FAS: variants seen among roughly 807,000 people sequenced by gnomAD.
The protein encoded by FAS is tumor necrosis factor receptor superfamily member 6.
FAS carries 5 observed loss-of-function variants against 33.2 expected under a neutral mutation model. The ratio of observed to expected loss-of-function variants is 0.15; its 90% CI spans 0.08 to 0.32. The LOEUF (loss-of-function observed/expected upper bound fraction) is 0.32, where lower values mean the gene tolerates loss of function less well. FAS is among the 10% of genes least tolerant of loss of function. The pLI is 1.00. For missense variants in FAS, 339 were observed against 386.0 expected (o/e 0.88, Z 1.02); for synonymous variants, 131 against 130.7 (o/e 1.00, Z -0.01).
In FAS at chr10:88,990,981, G is replaced by C; in HGVS notation, c.30+75G>C. The C allele has an allele frequency of 1.2e-6, 2 of 1,605,668 alleles. No individual in the cohort carries two copies. Among genetic ancestry groups the C allele is most frequent in the Non-Finnish European group, 1.7e-6 (2 of 1,173,098 alleles). On this transcript the variant is annotated intron_variant, in intron 1 of 8. Coordinates refer to ENST00000652046, the MANE Select transcript of FAS (RefSeq NM_000043.6). The surrounding 1 kb of genome is among the most constrained non-coding windows in gnomAD (Gnocchi z 4.9). ...GATAGGCAAAGTGGGGCGGGCGCGG[G>C]ACGCGTGCGGGATTGCGGCGGCAGC...
At chr10:88,999,713 CT>C (rs1422812681) in intron 1 of FAS, among the ~76,000 whole-genome samples, 98 of 152,138 alleles carry the variant, frequency 6.4e-4, no homozygotes, top group Non-Finnish European at 5.9e-5. Flanking sequence ...AGAAACATAT[CT>C]GTTTATTCCT....
At chr10:89,004,284 G>C (rs1254914989) in intron 2 of FAS, among the ~76,000 whole-genome samples, 1 of 152,110 alleles carries the variant, frequency 6.6e-6, no homozygotes, top group Non-Finnish European at 1.5e-5. Flanking sequence ...AATTTAAGAA[G>C]TGAATGTAAA....
chr10:89,002,300 CA>C (rs1425035978), intron 1 of FAS, among the ~76,000 whole-genome samples: 1 of 152,190 alleles, frequency 6.6e-6, no homozygotes, highest in Non-Finnish European at 1.5e-5. Context: ...AATTATTGGA[CA>C]AATCATTTCT....
intron 1 of FAS, among the ~76,000 whole-genome samples, chr10:88,969,405 C>T (rs900098274): frequency 6.6e-6 from 1 of 152,188 alleles, no homozygotes; most frequent in African/African-American, 2.4e-5. Context: ...GGTCACTCTG[C>T]TTTTGATGTC....
At chr10:89,005,883 C>T (rs1010779277) in intron 2 of FAS, among the ~76,000 whole-genome samples, 7 of 152,170 alleles carry the variant, frequency 4.6e-5, no homozygotes, top group African/African-American at 1.7e-4. Flanking sequence ...AGGTGATCTG[C>T]CTGCCTTGGC....
At chr10:89,013,013 A>C (rs1442583380) in intron 7 of FAS, among the ~76,000 whole-genome samples, 2 of 152,172 alleles carry the variant, frequency 1.3e-5, no homozygotes, top group African/African-American at 4.8e-5. Context: ...AGTTACAGGG[A>C]AGAAAATTTT....
intron 2 of FAS, among the ~76,000 whole-genome samples, chr10:88,978,565 A>G (rs985442780): frequency 3.3e-5 from 5 of 152,162 alleles, no homozygotes; most frequent in Admixed American, 2.6e-4. Flanking sequence ...AGAGAGAGAA[A>G]AGATTCTGTT....
At chr10:89,009,985 G>A (rs990524598) in intron 4 of FAS, among the ~76,000 whole-genome samples, 3 of 152,178 alleles carry the variant, frequency 2.0e-5, no homozygotes, top group African/African-American at 7.2e-5. Context: ...CAGAGGCTGT[G>A]AACTCAGACA....
chr10:88,965,906 C>G (rs567933036), intron 1 of FAS, among the ~76,000 whole-genome samples: 3 of 152,262 alleles, frequency 2.0e-5, no homozygotes, highest in Non-Finnish European at 2.9e-5. Flanking sequence ...ATGAGGTACA[C>G]CAATGTTTTT....
upstream of FAS, chr10:88,990,702 G>A (rs1414925801): frequency 1.3e-6 from 1 of 743,006 alleles, no homozygotes; most frequent in Non-Finnish European, 2.4e-6. The surrounding 1 kb of genome is among the most constrained non-coding windows in gnomAD (Gnocchi z 4.9). Context: ...GGGGAGTGAG[G>A]GAAGCGGTTT....
chr10:89,003,996 T>A (rs1393182359), intron 2 of FAS, among the ~76,000 whole-genome samples: 1 of 152,188 alleles, frequency 6.6e-6, no homozygotes, highest in East Asian at 1.9e-4. Flanking sequence ...GTGCTTCATG[T>A]CCAGATTTTA....
chr10:88,972,093 G>A (rs1237027519), intron 1 of FAS, among the ~76,000 whole-genome samples: 2 of 152,128 alleles, frequency 1.3e-5, no homozygotes, highest in Non-Finnish European at 1.5e-5. Context: ...ATTTTTAGTA[G>A]AGACAGGGTT....
At chr10:88,994,538 T>C (rs190986156) in intron 1 of FAS, among the ~76,000 whole-genome samples, 3 of 151,752 alleles carry the variant, frequency 2.0e-5, no homozygotes, top group Non-Finnish European at 2.9e-5. Context: ...AATGACCACA[T>C]GATGTGAAAC....
intron 2 of FAS, among the ~76,000 whole-genome samples, chr10:88,978,247 T>C (rs1373697757): frequency 1.8e-5 from 2 of 111,920 alleles, no homozygotes; most frequent in African/African-American, 7.0e-5. Flanking sequence ...TGGGGACTGT[T>C]GTGGGGTGGG....
intron 1 of FAS, among the ~76,000 whole-genome samples, chr10:88,964,875 G>C (rs534313900): frequency 6.6e-6 from 1 of 152,030 alleles, no homozygotes; most frequent in South Asian, 2.1e-4. Context: ...TCTTTTGCCC[G>C]CCTGTTTTTC....
At position 89,003,037 on chromosome 10, in the gene FAS, G is replaced by A. The variant is rs377196867; in HGVS notation, c.39G>A (p.Thr13=). ...GIWTLLPLVL[T]SVARLSSKSV... is the part of the protein sequence containing the mutation. The stretch of plus-strand genomic sequence containing the variant: ...ATGCTTTTATTTTACAGGTTCTTAC[G>A]TCTGTTGCTAGATTATCGTCCAAAA... Residue 13 remains threonine (T), a synonymous_variant, in exon 2 of 9, where the codon ACG becomes ACA. Transcript: ENST00000652046. 6.8e-6 allele frequency: 11 copies of A among 1,613,912 alleles called. No individual in the cohort carries two copies. Among genetic ancestry groups the A allele is most frequent in the South Asian group, 3.3e-5 (3 of 91,080 alleles).
intron 6 of FAS, 55 bp downstream of exon 6, chr10:89,010,870 C>T: frequency 6.3e-7 from 1 of 1,593,428 alleles, no homozygotes; most frequent in Non-Finnish European, 8.6e-7. Flanking sequence ...AAGTAGTTCA[C>T]AAAGATTTGC....
At chr10:88,997,406 G>A (rs1453503441) in intron 1 of FAS, among the ~76,000 whole-genome samples, 1 of 152,120 alleles carries the variant, frequency 6.6e-6, no homozygotes, top group African/African-American at 2.4e-5. Flanking sequence ...GGCCAGTCAT[G>A]GATCTAATCA....
intron 4 of FAS, 100 bp from the exon 5 acceptor site, chr10:89,010,439 A>G (rs1444067174): frequency 1.1e-6 from 1 of 908,314 alleles, no homozygotes; most frequent in East Asian, 2.6e-5. Context: ...CAGAGATGCA[A>G]AGATGAATAA....
Sources: gnomAD v4.1 joint callset for allele counts (sites outside exome capture counted in the v4.1 genomes callset) on GRCh38, gnomAD v4.1.1 for gene constraint, Gnocchi (gnomAD v3.1) non-coding constraint, MANE v1.5 for transcripts, NCBI Gene and HGNC (gene_info 2026-07-23, HGNC 2026-07-21) for gene names.